GIGYF1: variants seen among roughly 807,000 people sequenced by gnomAD.
The protein encoded by GIGYF1 is GRB10-interacting GYF protein 1.
GIGYF1 carries 84 observed loss-of-function variants against 147.1 expected under a neutral mutation model. The ratio of observed to expected loss-of-function variants is 0.57; its 90% CI spans 0.48 to 0.68. GIGYF1 has a LOEUF of 0.68. GIGYF1 is among the 30% of genes least tolerant of loss of function. GIGYF1 has a pLI of 0.00. For missense variants in GIGYF1, 1,485 were observed against 1,393.7 expected (o/e 1.07, Z -1.04); for synonymous variants, 752 against 589.5 (o/e 1.28, Z -3.99).
chr7:100,693,135 GA>G (rs553620162), intron 1 of GIGYF1, among the ~76,000 whole-genome samples: 3 of 149,240 alleles, frequency 2.0e-5, no homozygotes, highest in East Asian at 2.0e-4. Flanking sequence ...TGGGTGGCTG[GA>G]AAAAAAAAAT....
In GIGYF1 at chr7:100,683,299, C is replaced by A. The variant is rs1266291637; in HGVS notation, c.2193+5G>T. On this transcript the variant is annotated splice_donor_5th_base_variant and intron_variant, in intron 21 of 26. Transcript: ENST00000678049. ...CCCAGCCAGCTGAGGCTTGGGAGCACCCACGTGCTTGCGCCGAAACAGCTC... is the reference window on the plus strand; with the variant it reads ...CCCAGCCAGCTGAGGCTTGGGAGCAACCACGTGCTTGCGCCGAAACAGCTC... 1 of 1,613,754 alleles carries A rather than the reference C, an allele frequency of 6.2e-7. No homozygotes were observed. The highest frequency in any genetic ancestry group is 8.5e-7 in the Non-Finnish European group (1 of 1,179,936).
rs1411772082 is a variant in GIGYF1, at chr7:100,688,302, A to C, written c.-64T>G. ...GGAGGGGACCTGGCGTTCACTGTCC[A>C]AACACCTGTGGGGGAACAGGGGCCA... On this transcript the variant is annotated 5_prime_UTR_variant, in exon 4 of 27. Transcript: ENST00000678049. 3 of 1,215,402 alleles carry C rather than the reference A, an allele frequency of 2.5e-6. No individual in the cohort carries two copies. In the African/African-American group the frequency reaches 4.4e-5, roughly 18 times the overall value. 75.3% of individuals were successfully genotyped at this position (1,215,402 alleles called of 1,614,324 possible).
In GIGYF1 at chr7:100,686,169, C is replaced by G; in HGVS notation, c.948+11G>C. Reference sequence around the variant, plus strand: ...AAGGGCAGGTTCCCACCCTCGCCTCCTCACAGATACCTTGAGAGGCAAGAA... The same window carrying G: ...AAGGGCAGGTTCCCACCCTCGCCTCGTCACAGATACCTTGAGAGGCAAGAA... On this transcript the variant is annotated intron_variant, in intron 11 of 26. Transcript: ENST00000678049. 1 of 1,604,290 alleles carries G rather than the reference C, an allele frequency of 6.2e-7. No individual in the cohort carries two copies. Among genetic ancestry groups the G allele is most frequent in the Non-Finnish European group, 8.5e-7 (1 of 1,173,816 alleles).
intron 1 of GIGYF1, among the ~76,000 whole-genome samples, chr7:100,690,892 G>A (rs1805777379): frequency 1.3e-5 from 2 of 152,018 alleles, no homozygotes; most frequent in Non-Finnish European, 1.5e-5. Context: ...CATCCTGGCT[G>A]TGTCTTGGCT....
intron 22 of GIGYF1, 70 bp from the exon 23 acceptor site, chr7:100,682,847 T>C: frequency 6.9e-7 from 1 of 1,452,752 alleles, no homozygotes; most frequent in Non-Finnish European, 9.2e-7. Flanking sequence ...GAGGCTTGTT[T>C]AGGTGGCAAA....
At position 100,684,348 on chromosome 7, in the gene GIGYF1, G is replaced by T. The variant is rs1308437569; in HGVS notation, c.1630-11C>A. ...CTGGTCCATGTTTCCCTGCTCAGGT[G>T]AGAGCTCGGCCAGTGCCCCCAGCAG... is the stretch of plus-strand genomic sequence containing the variant. On this transcript the variant is annotated splice_polypyrimidine_tract_variant and intron_variant, in intron 16 of 26. Transcript: ENST00000678049. 6 of 1,594,344 alleles carry T rather than the reference G, an allele frequency of 3.8e-6. No homozygotes were observed. Among genetic ancestry groups the T allele is most frequent in the East Asian group, 2.3e-5 (1 of 43,880 alleles).
chr7:100,687,501 C>A lies in GIGYF1; in HGVS notation c.373+4G>T. The A allele has an allele frequency of 1.2e-6, 2 of 1,610,686 alleles. No homozygotes were observed. Among genetic ancestry groups the A allele is most frequent in the Non-Finnish European group, 1.7e-6 (2 of 1,178,592 alleles). On this transcript the variant is annotated splice_donor_region_variant and intron_variant, in intron 7 of 26. Transcript: ENST00000678049. ...GTCCCCAGGACACGCCATCACCCCT[C>A]TACCTCGGCTCCGCGTGCTGCCCCT...
rs1447943111 is a variant in GIGYF1, at chr7:100,679,907, C to T, written c.*1812G>A. 6.6e-6 allele frequency: 1 copy of T among 152,534 alleles called. No individual in the cohort carries two copies. The highest frequency in any genetic ancestry group is 1.5e-5 in the Non-Finnish European group (1 of 68,038). The allele number at this position is 152,534 out of a possible 1,614,324, so 9.4% of individuals were successfully genotyped here. A position where few individuals can be genotyped will look rare whatever the true frequency, so the allele number is the denominator to read the frequency against. ...GAGACAGGAAGAGTGTCCCCCTTCC[C>T]CTGCATTGGCTGCGGCAGGGGTGGG... On this transcript the variant is annotated 3_prime_UTR_variant, in exon 27 of 27. Coordinates refer to ENST00000678049, the MANE Select transcript of GIGYF1 (RefSeq NM_001375765.1).
chr7:100,690,485 T>A (rs532874783), intron 1 of GIGYF1, among the ~76,000 whole-genome samples: 2 of 152,040 alleles, frequency 1.3e-5, no homozygotes, highest in East Asian at 1.9e-4. Context: ...AAACATTTTT[T>A]AAAAAAGAAA....
rs1310637423 is a variant in GIGYF1 at position 100,681,400 on chromosome 7, T to C, written c.*319A>G. 1 of 270,358 alleles carries C rather than the reference T, an allele frequency of 3.7e-6. No individual in the cohort carries two copies. The highest frequency in any genetic ancestry group is 6.8e-6 in the Non-Finnish European group (1 of 146,210). The allele number at this position is 270,358 out of a possible 1,614,324, so 16.7% of individuals were successfully genotyped here. On this transcript the variant is annotated 3_prime_UTR_variant, in exon 27 of 27. Coordinates refer to ENST00000678049, the MANE Select transcript of GIGYF1 (RefSeq NM_001375765.1). ...CAAAAAACAAAAACCTCTGTGGACC[T>C]TCCATTGTCACACCCACTATCCTCA...
At position 100,688,748 on chromosome 7, in the gene GIGYF1, G is replaced by C. The variant is rs533342067; in HGVS notation, c.-291C>G. 797 of 316,180 alleles carry C rather than the reference G, an allele frequency of 2.5e-3. 4 individuals carry two copies. Among genetic ancestry groups the C allele is most frequent in the African/African-American group, 0.017 (768 of 46,252 alleles). The allele number at this position is 316,180 out of a possible 1,614,324, so 19.6% of individuals were successfully genotyped here. On this transcript the variant is annotated 5_prime_UTR_variant, in exon 2 of 27. Coordinates refer to ENST00000678049, the MANE Select transcript of GIGYF1 (RefSeq NM_001375765.1). ...AGGAGAGCAGGGGGGAGGAGGGAGGGTTCAGGACATGGCTCTGCCGGCAGC... is the reference window on the plus strand; with the variant it reads ...AGGAGAGCAGGGGGGAGGAGGGAGGCTTCAGGACATGGCTCTGCCGGCAGC...
chr7:100,688,273 G>A lies in GIGYF1; in HGVS notation c.-35C>T, dbSNP rs749226451. On this transcript the variant is annotated 5_prime_UTR_variant, in exon 4 of 27. Coordinates refer to ENST00000678049, the MANE Select transcript of GIGYF1 (RefSeq NM_001375765.1). ...GGGCGTGTTTGAGAGGCCGGGGGTG[G>A]GGAGGAGGGGACCTGGCGTTCACTG... 1 of 1,360,394 alleles carries A rather than the reference G, an allele frequency of 7.4e-7. No homozygotes were observed. Among genetic ancestry groups the A allele is most frequent in the Non-Finnish European group, 1.1e-6 (1 of 949,052 alleles). The allele number at this position is 1,360,394 out of a possible 1,614,324, so 84.3% of individuals were successfully genotyped here.
Position 100,681,953 on chromosome 7 carries a change from T to C in GIGYF1, c.2966A>G (p.Gln989Arg), listed in dbSNP as rs764544255. ...LSSASLQTAF[Q>R]ANHSTKLGPG... ...GCCGAGTTTGGTGCTGTGGTTGGCC[T>C]GGAAGGCCGTCTGCAGCGAGGCGCT... Residue 989 changes from glutamine (Q) to arginine (R), a missense_variant, in exon 26 of 27, where the codon CAG becomes CGG. By Grantham distance (43) the Gln-to-Arg change is conservative. Transcript: ENST00000678049. The C allele has an allele frequency of 4.3e-6, 7 of 1,609,452 alleles. No individual in the cohort carries two copies. The highest frequency in any genetic ancestry group is 4.5e-5 in the East Asian group (2 of 44,874).
In GIGYF1 at chr7:100,686,442, GA is replaced by G; in HGVS notation, c.695-10del. 6.3e-7 allele frequency: 1 copy of G among 1,576,502 alleles called. No individual in the cohort carries two copies. ...AGAGCGGGGACCACCATCTGCACAGGAAAAGTCAGGGAGAAGAAGAGTGGGT... is the reference window on the plus strand; with the variant it reads ...AGAGCGGGGACCACCATCTGCACAGGAAAGTCAGGGAGAAGAAGAGTGGGT... On this transcript the variant is annotated splice_polypyrimidine_tract_variant and intron_variant, in intron 10 of 26. Coordinates refer to ENST00000678049, the MANE Select transcript of GIGYF1 (RefSeq NM_001375765.1).
In GIGYF1 at chr7:100,683,165, T is replaced by C; in HGVS notation, c.2259A>G (p.Ala753=). 1 of 1,602,684 alleles carries C rather than the reference T, an allele frequency of 6.2e-7. No individual in the cohort carries two copies. Among genetic ancestry groups the C allele is most frequent in the East Asian group, 2.2e-5 (1 of 44,716 alleles). ...CCCAGAGTGGGGGCGGGGAGCTGGGTGCGGGGGGCACAGGGACCGCCTGCT... is the reference window on the plus strand; with the variant it reads ...CCCAGAGTGGGGGCGGGGAGCTGGGCGCGGGGGGCACAGGGACCGCCTGCT... The part of the protein sequence containing the change: ...QQQQAVPVPP[A]PSSPPPLWAG... Residue 753 remains alanine (A), a synonymous_variant, in exon 22 of 27, where the codon GCA becomes GCG. Transcript: ENST00000678049.
Position 100,681,959 on chromosome 7 carries a change from G to A in GIGYF1, c.2960C>T (p.Ala987Val). ...AWLSSASLQT[A>V]FQANHSTKLG... is the part of the protein sequence containing the mutation. ...TTTGGTGCTGTGGTTGGCCTGGAAG[G>A]CCGTCTGCAGCGAGGCGCTGCTCAG... The change falls in exon 26 of 27, where the codon GCC (alanine) becomes GTC (valine). Residue 987 changes from alanine (A) to valine (V), a missense_variant. Coordinates refer to ENST00000678049, the MANE Select transcript of GIGYF1 (RefSeq NM_001375765.1). 6.2e-7 allele frequency: 1 copy of A among 1,609,126 alleles called. No individual in the cohort carries two copies. Among genetic ancestry groups the A allele is most frequent in the Non-Finnish European group, 8.5e-7 (1 of 1,179,920 alleles).
At position 100,682,371 on chromosome 7, in the gene GIGYF1, C is replaced by T. The variant is rs754406719; in HGVS notation, c.2712G>A (p.Gln904=). Residue 904 remains glutamine, a synonymous_variant, in exon 24 of 27, where the codon CAG becomes CAA. Transcript: ENST00000678049. The stretch of plus-strand genomic sequence containing the variant: ...GCGTGTGCAGCATCTGCTCGCACCA[C>T]TGGGTGAAGCCGTCCTGGGGCCTGG... ...GIPRPQDGFT[Q]WCEQMLHTLS... is the part of the protein sequence containing the mutation. 7 of 1,613,610 alleles carry T rather than the reference C, an allele frequency of 4.3e-6. No homozygotes were observed. The highest frequency in any genetic ancestry group is 5.9e-6 in the Non-Finnish European group (7 of 1,179,958).
Position 100,686,429 on chromosome 7 carries a change from A to C in GIGYF1, c.699T>G (p.Gly233=). Residue 233 remains glycine, a synonymous_variant, in exon 11 of 27, where the codon GGT becomes GGG. Transcript: ENST00000678049. ...CCCGCCAGCCAGCAGAGCGGGGACC[A>C]CCATCTGCACAGGAAAAGTCAGGGA... ...GDRWRSASPD[G]GPRSAGWREH... is the part of the protein sequence containing the mutation. The C allele has an allele frequency of 3.1e-6, 5 of 1,589,648 alleles. No individual in the cohort carries two copies. The highest frequency in any genetic ancestry group is 2.6e-6 in the Non-Finnish European group (3 of 1,168,888).
In GIGYF1 at chr7:100,683,778, G is replaced by A. The variant is rs764493522; in HGVS notation, c.1969+40C>T. On this transcript the variant is annotated intron_variant, in intron 19 of 26. Transcript: ENST00000678049. ...GCAGACCCCAGACCCCATTTCACCC[G>A]GAGACTGCCTTGGGGGTGGGGACCA... The A allele has an allele frequency of 3.7e-5, 58 of 1,575,438 alleles. 1 individual carries two copies. In the East Asian group the frequency reaches 4.4e-4, roughly 12 times the overall value.
Sources: gnomAD v4.1 joint callset for allele counts (sites outside exome capture counted in the v4.1 genomes callset) on GRCh38, gnomAD v4.1.1 for gene constraint, MANE v1.5 for transcripts, NCBI Gene and HGNC (gene_info 2026-07-23, HGNC 2026-07-21) for gene names.